Variants in TGFBI observed in about 807,000 individuals in gnomAD.
TGFBI encodes transforming growth factor-beta-induced protein ig-h3.
TGFBI carries 50 observed loss-of-function variants against 73.7 expected under a neutral mutation model. The observed-to-expected ratio is 0.68, with a 90% CI of 0.54 to 0.86. The LOEUF (loss-of-function observed/expected upper bound fraction) is 0.86, where lower values mean the gene tolerates loss of function less well. Ranked by LOEUF, TGFBI falls within the 40% of genes least tolerant of loss-of-function variation. TGFBI has a pLI of 0.00. For missense variants in TGFBI, 839 were observed against 877.0 expected (o/e 0.96, Z 0.55); for synonymous variants, 362 against 360.5 (o/e 1.00, Z -0.05).
At chr5:136,050,160 C>G (rs1162433583) in intron 7 of TGFBI, among the ~76,000 whole-genome samples, 1 of 152,066 alleles carries the variant, frequency 6.6e-6, no homozygotes, top group Non-Finnish European at 1.5e-5. Flanking sequence ...TGGCGAAACC[C>G]CATCTCTACT....
At chr5:136,062,562 C>T in intron 15 of TGFBI, 101 bp from the exon 16 acceptor site, 1 of 1,253,980 alleles carries the variant, frequency 8.0e-7, no homozygotes, top group Non-Finnish European at 1.1e-6. Flanking sequence ...CTCGCCCCAG[C>T]ATTTTTTCTG....
intron 7 of TGFBI, among the ~76,000 whole-genome samples, chr5:136,052,203 C>T (rs1436817765): frequency 1.3e-5 from 2 of 152,244 alleles, no homozygotes; most frequent in East Asian, 3.8e-4. Context: ...CCCTGCCCTG[C>T]CCCCTAAAGT....
intron 2 of TGFBI, among the ~76,000 whole-genome samples, chr5:136,039,708 T>C (rs1477121001): frequency 6.6e-6 from 1 of 152,214 alleles, no homozygotes; most frequent in Non-Finnish European, 1.5e-5. Flanking sequence ...ATCCACATTC[T>C]GAAGACTCTG....
chr5:136,060,878 T>A lies in TGFBI; in HGVS notation c.1848T>A (p.Pro616=). ...VSVNKEPVAE[P]DIMATNGVVH... is the part of the protein sequence containing the mutation. Reference sequence around the variant, plus strand: ...TCAACAAGGAGCCTGTTGCCGAGCCTGACATCATGGCCACAAATGGCGTGG... The same window carrying A: ...TCAACAAGGAGCCTGTTGCCGAGCCAGACATCATGGCCACAAATGGCGTGG... Residue 616 remains proline (P), a synonymous_variant, in exon 14 of 17, where the codon CCT becomes CCA. Transcript: ENST00000442011. The A allele has an allele frequency of 6.2e-7, 1 of 1,602,692 alleles. No individual in the cohort carries two copies. Among genetic ancestry groups the A allele is most frequent in the Non-Finnish European group, 8.5e-7 (1 of 1,171,644 alleles).
At chr5:136,050,672 T>G (rs1171198193) in intron 7 of TGFBI, among the ~76,000 whole-genome samples, 1 of 152,230 alleles carries the variant, frequency 6.6e-6, no homozygotes, top group Non-Finnish European at 1.5e-5. Context: ...ATCACTTGAT[T>G]TCTTTTGAAT....
intron 2 of TGFBI, among the ~76,000 whole-genome samples, chr5:136,036,950 C>T (rs572718134): frequency 2.0e-5 from 3 of 152,180 alleles, no homozygotes; most frequent in African/African-American, 7.2e-5. Flanking sequence ...AAGCAGACAA[C>T]GGGTACCAAG....
Position 136,046,374 on chromosome 5 carries a change from T to C in TGFBI, c.338T>C (p.Val113Ala), listed in dbSNP as rs996773050. Reference sequence around the variant, plus strand: ...AACCTTTACGAGACCCTGGGAGTCGTTGGATCCACCACCACTCAGCTGTAC... The same window carrying C: ...AACCTTTACGAGACCCTGGGAGTCGCTGGATCCACCACCACTCAGCTGTAC... ...LSNLYETLGV[V>A]GSTTTQLYTD... The change falls in exon 4 of 17, where the codon GTT (valine) becomes GCT (alanine). Residue 113 changes from valine (V) to alanine (A), a missense_variant. Coordinates refer to ENST00000442011, the MANE Select transcript of TGFBI (RefSeq NM_000358.3). The C allele has an allele frequency of 1.9e-6, 3 of 1,613,952 alleles. No individual in the cohort carries two copies. The highest frequency in any genetic ancestry group is 4.5e-5 in the East Asian group (2 of 44,874).
At chr5:136,037,377 G>A (rs1326729204) in intron 2 of TGFBI, among the ~76,000 whole-genome samples, 1 of 152,206 alleles carries the variant, frequency 6.6e-6, no homozygotes, top group Non-Finnish European at 1.5e-5. Context: ...GGTTTGATTA[G>A]TAGCCATAAA....
intron 7 of TGFBI, 112 bp from the exon 8 acceptor site, chr5:136,052,795 G>A: frequency 9.4e-7 from 1 of 1,063,328 alleles, no homozygotes; most frequent in Non-Finnish European, 1.4e-6. Flanking sequence ...AGCCTCATCT[G>A]AGGGTCCTCA....
chr5:136,049,431 C>G lies in TGFBI; in HGVS notation c.772-8C>G. 1 of 1,613,492 alleles carries G rather than the reference C, an allele frequency of 6.2e-7. No individual in the cohort carries two copies. ...CAGGGAGCACTCCATCTTCTCTCCT[C>G]CCCACAGGCTGCTGTGGCTGCATCA... On this transcript the variant is annotated splice_polypyrimidine_tract_variant and splice_region_variant and intron_variant, in intron 6 of 16. Coordinates refer to ENST00000442011, the MANE Select transcript of TGFBI (RefSeq NM_000358.3).
chr5:136,055,673 T>C lies in TGFBI; in HGVS notation c.1411-7T>C. The C allele has an allele frequency of 6.3e-7, 1 of 1,584,842 alleles. No homozygotes were observed. The highest frequency in any genetic ancestry group is 1.3e-5 in the African/African-American group (1 of 74,614). On this transcript the variant is annotated splice_region_variant and splice_polypyrimidine_tract_variant and intron_variant, in intron 10 of 16. Transcript: ENST00000442011. ...GTCCTTTCTTTCTCTGTCCCTCTTC[T>C]GTGCAGAGCCTCTGCATTGAGAACA...
intron 15 of TGFBI, 168 bp downstream of exon 15, chr5:136,061,747 C>T (rs1751752871): frequency 1.4e-6 from 1 of 689,674 alleles, no homozygotes; most frequent in African/African-American, 1.8e-5. Context: ...GTGTCAAATT[C>T]AGAGTAAAGA....
rs577911834 is a variant in TGFBI at position 136,061,216 on chromosome 5, G to A, written c.1906+280G>A. On this transcript the variant is annotated intron_variant, in intron 14 of 16. Coordinates refer to ENST00000442011, the MANE Select transcript of TGFBI (RefSeq NM_000358.3). Reference sequence around the variant, plus strand: ...TTCTGTATTCGCGTGGATGCTGTCCGCGCGATTCCCAGCACTCCTCTTACA... The same window carrying A: ...TTCTGTATTCGCGTGGATGCTGTCCACGCGATTCCCAGCACTCCTCTTACA... 9.8e-5 allele frequency: 56 copies of A among 572,464 alleles called. 1 individual carries two copies. Among genetic ancestry groups the A allele is most frequent in the East Asian group, 1.8e-4 (6 of 34,086 alleles). 35.5% of individuals were successfully genotyped at this position (572,464 alleles called of 1,614,324 possible). A position where few individuals can be genotyped will look rare whatever the true frequency, so the allele number is the denominator to read the frequency against.
rs1001093875 is a variant in TGFBI, at chr5:136,063,411, A to G, written c.*185A>G. ...GGGAGAGAGATGTACTTTTTAAATC[A>G]TGTTCCCCCTAAACATGGCTGTTAA... On this transcript the variant is annotated 3_prime_UTR_variant, in exon 17 of 17. Transcript: ENST00000442011. The G allele has an allele frequency of 3.3e-6, 2 of 603,846 alleles. No homozygotes were observed. The highest frequency in any genetic ancestry group is 4.1e-5 in the South Asian group (2 of 48,802). 37.4% of individuals were successfully genotyped at this position (603,846 alleles called of 1,614,324 possible). A position where few individuals can be genotyped will look rare whatever the true frequency, so the allele number is the denominator to read the frequency against.
chr5:136,039,759 G>A (rs1357739492), intron 2 of TGFBI, among the ~76,000 whole-genome samples: 1 of 152,228 alleles, frequency 6.6e-6, no homozygotes, highest in Non-Finnish European at 1.5e-5. Context: ...GAGGGCTGTA[G>A]TGGTTGAGGC....
chr5:136,038,403 A>G (rs1751268419), intron 2 of TGFBI, among the ~76,000 whole-genome samples: 1 of 152,242 alleles, frequency 6.6e-6, no homozygotes, highest in South Asian at 2.1e-4. Flanking sequence ...TGAGTCTAAT[A>G]TAATCATCAG....
chr5:136,056,966 G>A (rs1751648553), intron 12 of TGFBI, among the ~76,000 whole-genome samples, 171 bp downstream of exon 12: 1 of 152,122 alleles, frequency 6.6e-6, no homozygotes, highest in African/African-American at 2.4e-5. Context: ...AGGCCAACCA[G>A]GGACTAGCAA....
Position 136,053,079 on chromosome 5 carries a change from G to C in TGFBI, c.1086G>C (p.Gly362=), listed in dbSNP as rs766987280. ...ATAAAGACATCCTAGCCACCAACGG[G>C]GTGATCCACTACATTGATGAGCTAC... ...ISNKDILATN[G]VIHYIDELLI... The change falls in exon 8 of 17, where the codon GGG becomes GGC. Residue 362 remains glycine, a synonymous_variant. Coordinates refer to ENST00000442011, the MANE Select transcript of TGFBI (RefSeq NM_000358.3). The C allele has an allele frequency of 1.2e-6, 2 of 1,613,944 alleles. No individual in the cohort carries two copies. Among genetic ancestry groups the C allele is most frequent in the South Asian group, 2.2e-5 (2 of 91,084 alleles).
At chr5:136,055,453 G>A (rs1003225318) in intron 10 of TGFBI, 6 of 403,876 alleles carry the variant, frequency 1.5e-5, no homozygotes, top group African/African-American at 4.1e-5. Context: ...TGGGACCTCT[G>A]TGTGACTTTA....
Sources: gnomAD v4.1 joint callset for allele counts (sites outside exome capture counted in the v4.1 genomes callset) on GRCh38, gnomAD v4.1.1 for gene constraint, MANE v1.5 for transcripts, NCBI Gene and HGNC (gene_info 2026-07-23, HGNC 2026-07-21) for gene names.